Variants in PALM2AKAP2 observed in about 807,000 individuals in gnomAD.
The protein encoded by PALM2AKAP2 is PALM2-AKAP2 fusion protein.
In PALM2AKAP2, 37 loss-of-function variants were observed where a neutral mutation model predicts 71.5. That is an observed-to-expected ratio of 0.52 (90% CI 0.40 to 0.68). The LOEUF (loss-of-function observed/expected upper bound fraction) is 0.68, where lower values mean the gene tolerates loss of function less well. Ranked by LOEUF, PALM2AKAP2 falls within the 30% of genes least tolerant of loss-of-function variation. The pLI is 0.00. For missense variants in PALM2AKAP2, 1,224 were observed against 1,191.8 expected, an observed-to-expected ratio of 1.03 and a Z score of -0.40; for synonymous variants, 468 against 478.8, an observed-to-expected ratio of 0.98 and a Z score of 0.29.
chr9:110,072,682 G>T (rs1834230502), intron 1 of PALM2AKAP2, among the ~76,000 whole-genome samples: 1 of 152,148 alleles, frequency 6.6e-6, no homozygotes, highest in South Asian at 2.1e-4. Flanking sequence ...TGCTATAGAG[G>T]TGTCTGAACC....
chr9:109,944,010 T>G (rs139214024), intron 6 of PALM2AKAP2: 35 of 152,992 alleles, frequency 2.3e-4, no homozygotes, highest in African/African-American at 8.2e-4. Context: ...TTCATGGCTT[T>G]CTTTCTGTTA....
At position 110,099,318 on chromosome 9, in the gene PALM2AKAP2, G is replaced by A. The variant is rs1834934456; in HGVS notation, c.157-36809G>A. Among the ~76,000 whole-genome samples, 3 of 152,208 alleles carry A rather than the reference G, an allele frequency of 2.0e-5. No individual in the cohort carries two copies. In the South Asian group the frequency reaches 6.2e-4, roughly 32 times the overall value. On this transcript the variant is annotated intron_variant, in intron 1 of 3. Transcript: ENST00000374525. ...GCTTGCTGTGTGTTCTCTGCCACAT[G>A]CTTTCTTCTGGGATTTCTTCCTTCT...
intron 1 of PALM2AKAP2, among the ~76,000 whole-genome samples, chr9:110,070,521 C>A (rs1361349342): frequency 6.6e-6 from 1 of 152,164 alleles, no homozygotes; most frequent in Non-Finnish European, 1.5e-5. Flanking sequence ...TTCTTTCAGT[C>A]GATCCTCTCA....
At chr9:110,132,540 G>A (rs1034748234) in intron 1 of PALM2AKAP2, among the ~76,000 whole-genome samples, 9 of 151,974 alleles carry the variant, frequency 5.9e-5, no homozygotes, top group African/African-American at 2.2e-4. Flanking sequence ...ATGTTGGTCA[G>A]GCTGGTCTCA....
chr9:109,946,737 T>C (rs1227491130), intron 6 of PALM2AKAP2: 1 of 105,594 alleles, frequency 9.5e-6, no homozygotes, highest in South Asian at 3.2e-4. Context: ...CCCTTTTAAA[T>C]AGAAAGAGGA....
chr9:110,053,041 G>A lies in PALM2AKAP2; in HGVS notation c.156+4186G>A, dbSNP rs111649737. On this transcript the variant is annotated intron_variant, in intron 1 of 3. Coordinates refer to ENST00000374525, the Ensembl canonical transcript of PALM2AKAP2. ...AATATACTTTCTCCAGGGTTTGGTG[G>A]TGGGTTCCTTTTTCCTGTTGAGGTG... Among the ~76,000 whole-genome samples, 718 of 152,316 alleles carry A rather than the reference G, an allele frequency of 4.7e-3. 6 individuals are homozygous for A. Among genetic ancestry groups the A allele is most frequent in the African/African-American group, 0.016 (682 of 41,566 alleles).
intron 1 of PALM2AKAP2, among the ~76,000 whole-genome samples, chr9:110,070,152 C>G (rs1050185037): frequency 6.6e-6 from 1 of 152,204 alleles, no homozygotes; most frequent in East Asian, 1.9e-4. Context: ...ACACTTTCAC[C>G]TACTCTCATA....
intron 1 of PALM2AKAP2, among the ~76,000 whole-genome samples, chr9:109,707,779 C>T (rs1828166112): frequency 6.6e-6 from 1 of 152,178 alleles, no homozygotes; most frequent in Non-Finnish European, 1.5e-5. Flanking sequence ...GGATAATTTT[C>T]ACCCCAGTCT....
intron 1 of PALM2AKAP2, among the ~76,000 whole-genome samples, chr9:109,642,815 G>C (rs562915034): frequency 7.2e-4 from 108 of 150,798 alleles, no homozygotes; most frequent in Non-Finnish European, 1.4e-3. Flanking sequence ...GTCTTGCTGG[G>C]ATTATAGGTG....
chr9:109,943,291 G>A, intron 6 of PALM2AKAP2: 2 of 1,614,238 alleles, frequency 1.2e-6, no homozygotes, highest in Non-Finnish European at 1.7e-6. Flanking sequence ...GAACGCGGCT[G>A]AGCTTGTGTC....
At chr9:110,080,792 C>A (rs1047338085) in intron 1 of PALM2AKAP2, among the ~76,000 whole-genome samples, 2 of 152,180 alleles carry the variant, frequency 1.3e-5, no homozygotes, top group Non-Finnish European at 2.9e-5. Flanking sequence ...GATTCTCCTG[C>A]CTCAGCCTCC....
chr9:109,805,442 G>A (rs563289008), intron 1 of PALM2AKAP2, among the ~76,000 whole-genome samples: 2 of 152,188 alleles, frequency 1.3e-5, no homozygotes, highest in East Asian at 1.9e-4. Context: ...TTTTTTCCCC[G>A]AAATTCCAGT....
At chr9:109,743,312 T>C (rs139604225) in intron 1 of PALM2AKAP2, among the ~76,000 whole-genome samples, 34 of 152,296 alleles carry the variant, frequency 2.2e-4, no homozygotes, top group African/African-American at 7.5e-4. Context: ...ATTGTAGCTT[T>C]TCATGCACAG....
intron 1 of PALM2AKAP2, among the ~76,000 whole-genome samples, chr9:109,748,787 G>A (rs1235808156): frequency 3.9e-5 from 6 of 152,110 alleles, no homozygotes; most frequent in Non-Finnish European, 7.4e-5. Flanking sequence ...AGTCTGGAAG[G>A]CCAAAATCAA....
intron 6 of PALM2AKAP2, among the ~76,000 whole-genome samples, chr9:109,942,123 C>T (rs1831384196): frequency 6.6e-6 from 1 of 152,164 alleles, no homozygotes; most frequent in African/African-American, 2.4e-5. Context: ...CTGAAGTACT[C>T]ACAGGGCACA....
intron 7 of PALM2AKAP2, among the ~76,000 whole-genome samples, chr9:110,024,705 G>T (rs1021031638): frequency 6.6e-6 from 1 of 151,634 alleles, no homozygotes; most frequent in Non-Finnish European, 1.5e-5. Flanking sequence ...GCTCACCTGA[G>T]TCTAGGAGGT....
chr9:110,005,662 G>T (rs545448598), intron 6 of PALM2AKAP2, among the ~76,000 whole-genome samples: 2 of 152,198 alleles, frequency 1.3e-5, no homozygotes, highest in Non-Finnish European at 2.9e-5. Flanking sequence ...CTTGAGGTGC[G>T]GTGGGCTCCA....
intron 1 of PALM2AKAP2, among the ~76,000 whole-genome samples, chr9:110,104,266 GATGT>G (rs1835066347): frequency 6.6e-6 from 1 of 152,092 alleles, no homozygotes; most frequent in Non-Finnish European, 1.5e-5. Flanking sequence ...TGGGATTTCA[GATGT>G]TTAGCCCCAA....
intron 1 of PALM2AKAP2, among the ~76,000 whole-genome samples, chr9:109,812,103 C>T (rs1005704808): frequency 1.3e-5 from 2 of 152,328 alleles, no homozygotes; most frequent in Non-Finnish European, 1.5e-5. Context: ...GGTTTCTGGT[C>T]ATAGGGGCAG....
Sources: gnomAD v4.1 joint callset for allele counts (sites outside exome capture counted in the v4.1 genomes callset) on GRCh38, gnomAD v4.1.1 for gene constraint, MANE v1.5 for transcripts, NCBI Gene and HGNC (gene_info 2026-07-23, HGNC 2026-07-21) for gene names.